TOM1L2: variants seen among roughly 807,000 people sequenced by gnomAD.
TOM1L2 encodes the protein target of myb1 like 2 membrane trafficking protein, also known as TOM1-like protein 2.
TOM1L2 carries 31 observed loss-of-function variants against 67.9 expected under a neutral mutation model. The ratio of observed to expected loss-of-function variants is 0.46; its 90% CI spans 0.34 to 0.62. The LOEUF is 0.62. TOM1L2 is among the 20% of genes least tolerant of loss of function. The pLI is 0.01. For missense variants in TOM1L2, 606 were observed against 663.5 expected, an observed-to-expected ratio of 0.91 and a Z score of 0.95; for synonymous variants, 256 against 254.0, an observed-to-expected ratio of 1.01 and a Z score of -0.07.
intron 4 of TOM1L2, among the ~76,000 whole-genome samples, chr17:17,885,442 T>C (rs1398628335): frequency 1.3e-5 from 2 of 152,162 alleles, no homozygotes; most frequent in African/African-American, 4.8e-5. Context: ...CAGGGGTCCT[T>C]TTCCCAGACC....
chr17:17,915,499 T>G (rs906266392), intron 1 of TOM1L2, among the ~76,000 whole-genome samples: 4 of 152,074 alleles, frequency 2.6e-5, no homozygotes, highest in Non-Finnish European at 5.9e-5. Flanking sequence ...TATTCAATTT[T>G]TTTGGCCCCT....
At chr17:17,912,399 G>A (rs1176194443) in intron 1 of TOM1L2, among the ~76,000 whole-genome samples, 6 of 149,714 alleles carry the variant, frequency 4.0e-5, no homozygotes, top group African/African-American at 4.9e-5. Context: ...CGGGGCGGCT[G>A]CTGGGCAGAG....
Position 17,955,325 on chromosome 17 carries a change from C to CTTTTTTTTT in TOM1L2, c.52+16928_52+16936dup, listed in dbSNP as rs67575563. On this transcript the variant is annotated intron_variant, in intron 1 of 14. Coordinates refer to ENST00000379504, the MANE Select transcript of TOM1L2 (RefSeq NM_001082968.2). ...GGCAGGACCCCAGACCACACAATTCCTTTTTTTTTTTTTTTTTTTTTTTTT... is the reference window on the plus strand; with the variant it reads ...GGCAGGACCCCAGACCACACAATTCCTTTTTTTTTTTTTTTTTTTTTTTTTTTTTTTTTT... Among the ~76,000 whole-genome samples, 484 of 108,160 alleles carry CTTTTTTTTT rather than the reference C, an allele frequency of 4.5e-3. 2 individuals are homozygous for CTTTTTTTTT. Among genetic ancestry groups the CTTTTTTTTT allele is most frequent in the African/African-American group, 8.6e-3 (221 of 25,700 alleles). The allele number at this position is 108,160 out of a possible 152,430, so 71.0% of individuals were successfully genotyped here. A position where few individuals can be genotyped will look rare whatever the true frequency, so the allele number is the denominator to read the frequency against.
intron 8 of TOM1L2, among the ~76,000 whole-genome samples, chr17:17,868,296 T>C (rs2036967183): frequency 6.6e-6 from 1 of 152,184 alleles, no homozygotes; most frequent in African/African-American, 2.4e-5. Context: ...GCCACTGGTG[T>C]GTACTTCCGT....
intron 1 of TOM1L2, among the ~76,000 whole-genome samples, chr17:17,958,610 T>C (rs1241117558): frequency 6.6e-6 from 1 of 152,136 alleles, no homozygotes; most frequent in Non-Finnish European, 1.5e-5. Context: ...GTGAGCTAAA[T>C]AGGAAGACAT....
At chr17:17,916,053 T>C (rs574329339) in intron 1 of TOM1L2, among the ~76,000 whole-genome samples, 209 of 151,954 alleles carry the variant, frequency 1.4e-3, no homozygotes, top group Non-Finnish European at 2.4e-3. Flanking sequence ...AAATCCAATG[T>C]CATGATTTCC....
intron 1 of TOM1L2, among the ~76,000 whole-genome samples, chr17:17,939,587 C>T (rs1054948543): frequency 5.9e-5 from 9 of 152,046 alleles, no homozygotes; most frequent in African/African-American, 1.7e-4. Context: ...TGCATATTGA[C>T]AAAATCTAAT....
chr17:17,862,952 C>G, intron 10 of TOM1L2, 104 bp from the exon 11 acceptor site: 1 of 325,372 alleles, frequency 3.1e-6, no homozygotes, highest in Non-Finnish European at 6.3e-6. Context: ...GTTTAGGTTC[C>G]ATGGGGAGGG....
intron 4 of TOM1L2, among the ~76,000 whole-genome samples, chr17:17,891,784 CGTGTGTGTGT>C (rs374192888): frequency 9.1e-5 from 13 of 143,220 alleles, no homozygotes; most frequent in East Asian, 2.1e-4. Context: ...TGCATGCACA[CGTGTGTGTGT>C]GTGTGTGTGT....
intron 1 of TOM1L2, among the ~76,000 whole-genome samples, chr17:17,948,238 T>C (rs1308161036): frequency 1.3e-5 from 2 of 152,208 alleles, no homozygotes; most frequent in Non-Finnish European, 2.9e-5. Flanking sequence ...ATAATCTTGA[T>C]ACCAAGATAA....
At position 17,864,214 on chromosome 17, in the gene TOM1L2, T is replaced by TG. The variant is rs1211012013; in HGVS notation, c.1085-1367_1085-1366insC. 2.7e-5 allele frequency among the ~76,000 whole-genome samples: 4 copies of TG among 146,210 alleles called. No individual in the cohort carries two copies. The East Asian group carries it at 7.9e-4, about 29-fold the overall frequency. ...GAGAGGTAGCAGAATCCAATTTGAT[T>TG]TTTTTTTTTTTTTTGAGACAGAGTC... On this transcript the variant is annotated intron_variant, in intron 10 of 14. Transcript: ENST00000379504.
chr17:17,866,779 A>C (rs2036869875), intron 9 of TOM1L2, 97 bp downstream of exon 9: 13 of 1,256,388 alleles, frequency 1.0e-5, no homozygotes, highest in Admixed American at 1.7e-5. Context: ...CAAATATTTC[A>C]AAACCAGTTA....
chr17:17,892,661 C>T (rs1426997215), intron 4 of TOM1L2, among the ~76,000 whole-genome samples: 1 of 152,134 alleles, frequency 6.6e-6, no homozygotes, highest in East Asian at 1.9e-4. Flanking sequence ...CCCCCTTCCC[C>T]ACATAGTGGT....
chr17:17,867,433 A>G (rs761488768), intron 8 of TOM1L2, among the ~76,000 whole-genome samples: 2 of 152,174 alleles, frequency 1.3e-5, no homozygotes, highest in Admixed American at 6.5e-5. Context: ...TAGCTGCTAC[A>G]GAGAGGCCTG....
At chr17:17,879,510 A>C in intron 7 of TOM1L2, 117 bp downstream of exon 7, 1 of 784,414 alleles carries the variant, frequency 1.3e-6, no homozygotes, top group South Asian at 1.6e-5. Flanking sequence ...TGGACTATCA[A>C]CAACAGGGCC....
chr17:17,912,952 G>C (rs2039457767), intron 1 of TOM1L2, among the ~76,000 whole-genome samples: 1 of 152,378 alleles, frequency 6.6e-6, no homozygotes, highest in East Asian at 1.9e-4. Context: ...GGGAGGCCGA[G>C]GCTGGCGGAT....
At chr17:17,879,578 G>T (rs772519751) in intron 7 of TOM1L2, 49 bp downstream of exon 7, 6 of 1,467,862 alleles carry the variant, frequency 4.1e-6, no homozygotes, top group Non-Finnish European at 9.6e-7. Flanking sequence ...AACAGTGTAC[G>T]GTGGAAGAGC....
intron 1 of TOM1L2, among the ~76,000 whole-genome samples, chr17:17,911,505 C>T (rs920611362): frequency 1.3e-5 from 2 of 152,114 alleles, no homozygotes; most frequent in Non-Finnish European, 2.9e-5. Flanking sequence ...TAGGTTTTGA[C>T]GATTTAGGTG....
At chr17:17,955,925 G>A (rs2041420697) in intron 1 of TOM1L2, among the ~76,000 whole-genome samples, 1 of 152,168 alleles carries the variant, frequency 6.6e-6, no homozygotes, top group Non-Finnish European at 1.5e-5. Flanking sequence ...CGTGTCTGAA[G>A]TTGTTCGCTC....
Sources: gnomAD v4.1 joint callset for allele counts (sites outside exome capture counted in the v4.1 genomes callset) on GRCh38, gnomAD v4.1.1 for gene constraint, MANE v1.5 for transcripts, NCBI Gene and HGNC (gene_info 2026-07-23, HGNC 2026-07-21) for gene names.